ERI2: variants seen among roughly 807,000 people sequenced by gnomAD.
ERI2 encodes the protein ERI1 exoribonuclease 2.
A neutral mutation model predicts 46.8 loss-of-function variants in ERI2; 35 were observed. That is an observed-to-expected ratio of 0.75 (90% CI 0.57 to 0.99). ERI2 has a LOEUF of 0.99. Ranked by LOEUF, ERI2 falls within the 50% of genes least tolerant of loss-of-function variation. ERI2 has a pLI of 0.00. For synonymous variants in ERI2, 224 were observed against 271.0 expected (o/e 0.83, Z 1.70); for missense variants, 695 against 796.2 (o/e 0.87, Z 1.53).
At position 20,806,416 on chromosome 16, in the gene ERI2, C is replaced by A; in HGVS notation, c.15G>T (p.Arg5=). ...GGAACTCCCTCGAGTACCGCGCGAG[C>A]CGCTTGGTCGCCATTCCCGACACTC... is the stretch of plus-strand genomic sequence containing the variant. MATK[R]LARQLGLIRR... Residue 5 remains arginine, a synonymous_variant, in exon 1 of 9, where the codon CGG becomes CGT. Transcript: ENST00000357967. The A allele has an allele frequency of 1.3e-6, 2 of 1,552,832 alleles. No homozygotes were observed. The highest frequency in any genetic ancestry group is 2.4e-5 in the East Asian group (1 of 41,092).
In ERI2 at chr16:20,803,422, C is replaced by T. The variant is rs766135718; in HGVS notation, c.175+11G>A. 1 of 1,612,098 alleles carries T rather than the reference C, an allele frequency of 6.2e-7. No homozygotes were observed. The highest frequency in any genetic ancestry group is 1.1e-5 in the South Asian group (1 of 90,736). ...TAGTGCCAGCTTTGGCCATTCGTAG[C>T]CCAGACTTACTTATTTCCTGGCTAT... On this transcript the variant is annotated intron_variant, in intron 3 of 8. Coordinates refer to ENST00000357967, the MANE Select transcript of ERI2 (RefSeq NM_001142725.2).
intron 4 of ERI2, among the ~76,000 whole-genome samples, chr16:20,801,622 A>T (rs1198810586): frequency 2.6e-5 from 4 of 152,242 alleles, no homozygotes; most frequent in African/African-American, 7.2e-5. Context: ...AAAAACTAAA[A>T]TCACACAGAA....
intron 5 of ERI2, chr16:20,800,612 C>T (rs1337891899): frequency 8.1e-6 from 3 of 370,344 alleles, no homozygotes; most frequent in African/African-American, 2.1e-5. Flanking sequence ...ATTTCTTAAA[C>T]ACCCAGTAAA....
exon 11 of ERI2, chr16:20,780,506 C>T: frequency 1.1e-6 from 1 of 935,476 alleles, no homozygotes; most frequent in Non-Finnish European, 1.6e-6. Context: ...TATAAATGGG[C>T]CTTTGATGAC....
At chr16:20,780,387 C>A in exon 11 of ERI2, 1 of 465,098 alleles carries the variant, frequency 2.2e-6, no homozygotes, top group Non-Finnish European at 3.8e-6. Context: ...TCCATGATTG[C>A]AAGATCACAC....
chr16:20,799,477 C>T, intron 7 of ERI2, 126 bp from the exon 8 acceptor site: 1 of 853,362 alleles, frequency 1.2e-6, no homozygotes. Context: ...AGTTTTATGA[C>T]CATCTACTAA....
In ERI2 at chr16:20,800,359, C is replaced by T. The variant is rs2301771; in HGVS notation, c.504G>A (p.Lys168=). The T allele has an allele frequency of 0.71, 1,136,607 of 1,605,840 alleles. 406,809 individuals carry two copies. The highest frequency in any genetic ancestry group is 0.73 in the Non-Finnish European group (859,687 of 1,174,610). The part of the protein sequence containing the change: ...GVCLEYECKR[K]QLLKPVFLNS... ...TTAAAAACACAGGTTTTAACAGCTGCTTTCTTTTACACTCATACTCCAGGC... is the reference window on the plus strand; with the variant it reads ...TTAAAAACACAGGTTTTAACAGCTGTTTTCTTTTACACTCATACTCCAGGC... The change falls in exon 6 of 9, where the codon AAG becomes AAA. Residue 168 remains lysine (K), a synonymous_variant. Transcript: ENST00000357967.
At chr16:20,787,517 G>A (rs1328416877) in intron 10 of ERI2, among the ~76,000 whole-genome samples, 1 of 152,212 alleles carries the variant, frequency 6.6e-6, no homozygotes, top group Non-Finnish European at 1.5e-5. Context: ...CCCCTGGAGA[G>A]ACCAATTCAA....
In ERI2 at chr16:20,801,277, T is replaced by C. The variant is rs2080792774; in HGVS notation, c.386A>G (p.Asn129Ser). 6.2e-7 allele frequency: 1 copy of C among 1,613,016 alleles called. No homozygotes were observed. Among genetic ancestry groups the C allele is most frequent in the Non-Finnish European group, 8.5e-7 (1 of 1,179,518 alleles). The change falls in exon 5 of 9, where the codon AAC (asparagine) becomes AGC (serine). Residue 129 changes from asparagine to serine, a missense_variant. Physicochemically the swap from Asn to Ser is conservative, Grantham distance 46. Transcript: ENST00000357967. ...KWIHKIQQQK[N>S]IIFATGISEP... ...TGAAATCCCAGTAGCAAAAATAATG[T>C]TCTTCTGTTGCTGAATCTTATGAAT...
intron 4 of ERI2, 32 bp downstream of exon 4, chr16:20,802,764 C>G: frequency 6.4e-7 from 1 of 1,574,734 alleles, no homozygotes. Context: ...CTTTTTGAAA[C>G]TGACTTCTGA....
At position 20,796,579 on chromosome 16, in the gene ERI2, A is replaced by G. The variant is rs1234533216; in HGVS notation, c.*1145T>C. On this transcript the variant is annotated 3_prime_UTR_variant, in exon 9 of 9. Transcript: ENST00000357967. ...ACATTTTAATGAATATTTTCTTCAC[A>G]CATGCTGCACCACATGTCCCAAACT... 1 of 1,576,620 alleles carries G rather than the reference A, an allele frequency of 6.3e-7. No homozygotes were observed. Among genetic ancestry groups the G allele is most frequent in the Non-Finnish European group, 8.6e-7 (1 of 1,169,000 alleles).
In ERI2 at chr16:20,797,045, GGA is replaced by G; in HGVS notation, c.*677_*678del. 6.4e-7 allele frequency: 1 copy of G among 1,551,310 alleles called. No homozygotes were observed. The highest frequency in any genetic ancestry group is 2.3e-5 in the East Asian group (1 of 42,968). ...CAATCTCTAGAAACCACAAGATGAT[GGA>G]GAGGTCATAAAAACTGTGGTAGTAT... On this transcript the variant is annotated 3_prime_UTR_variant, in exon 9 of 9. Transcript: ENST00000357967.
rs374096382 is a variant in ERI2 at position 20,785,105 on chromosome 16, A to T, written c.895-4371T>A. The T allele has an allele frequency of 6.8e-6, 11 of 1,612,992 alleles. No individual in the cohort carries two copies. Among genetic ancestry groups the T allele is most frequent in the East Asian group, 2.2e-5 (1 of 44,800 alleles). On this transcript the variant is annotated intron_variant, in intron 10 of 10. Transcript: ENST00000300005. ...CTACGAAGGATATGGACAGACTGAAACGGTACCTGACCTCACTGAAAAGAC... is the reference window on the plus strand; with the variant it reads ...CTACGAAGGATATGGACAGACTGAATCGGTACCTGACCTCACTGAAAAGAC...
In ERI2 at chr16:20,803,500, G is replaced by C. The variant is rs772859303; in HGVS notation, c.108C>G (p.Tyr36Ter). ...GRSKSKQLFD[Y>*]LIVIDFESTC... ...TCGATTCAAAATCAATGACAATTAA[G>C]TAGTCAAACAACTGCTCTGCAAAAG... The change falls in exon 3 of 9, where the codon TAC (tyrosine) becomes TAG (stop). Residue 36 changes from tyrosine (Y) to a stop codon, truncating the protein, a stop_gained. Transcript: ENST00000357967. LOFTEE classifies it high-confidence loss of function. 1.9e-6 allele frequency: 3 copies of C among 1,613,924 alleles called. No homozygotes were observed. The highest frequency in any genetic ancestry group is 3.3e-5 in the Admixed American group (2 of 60,004).
intron 5 of ERI2, 41 bp downstream of exon 5, chr16:20,801,162 T>A (rs1454286676): frequency 2.0e-6 from 3 of 1,496,488 alleles, no homozygotes; most frequent in Non-Finnish European, 2.7e-6. Flanking sequence ...ATAGTGGTAA[T>A]GCTACCCATC....
chr16:20,804,052 CTA>C (rs1382378057), intron 1 of ERI2, among the ~76,000 whole-genome samples: 2 of 151,274 alleles, frequency 1.3e-5, no homozygotes, highest in East Asian at 2.0e-4. Flanking sequence ...CAGGGCCTCA[CTA>C]TGTTACCCAG....
At chr16:20,780,879 G>A (rs747948727) in intron 10 of ERI2, 1 of 1,613,956 alleles carries the variant, frequency 6.2e-7, no homozygotes, top group South Asian at 1.1e-5. Context: ...CAAAAGTGCA[G>A]CTTGAAGTGT....
chr16:20,804,015 G>C (rs796417472), intron 1 of ERI2, among the ~76,000 whole-genome samples: 2 of 151,040 alleles, frequency 1.3e-5, no homozygotes, highest in Non-Finnish European at 3.0e-5. Context: ...CGGCCCATTA[G>C]TTTTAATTTT....
At chr16:20,794,729 T>C (rs1339159514), downstream of ERI2, among the ~76,000 whole-genome samples, 3 of 152,220 alleles carry the variant, frequency 2.0e-5, no homozygotes, top group African/African-American at 7.2e-5. Context: ...ACATCTATGC[T>C]AATTCATTTA....
Sources: gnomAD v4.1 joint callset for allele counts (sites outside exome capture counted in the v4.1 genomes callset) on GRCh38, gnomAD v4.1.1 for gene constraint, MANE v1.5 for transcripts, NCBI Gene and HGNC (gene_info 2026-07-23, HGNC 2026-07-21) for gene names.